Variants in GAS7 observed in about 807,000 individuals in gnomAD.
The protein encoded by GAS7 is growth arrest specific 7, also known as growth arrest-specific protein 7.
GAS7 carries 28 observed loss-of-function variants against 71.1 expected under a neutral mutation model. The observed-to-expected ratio is 0.39, with a 90% CI of 0.29 to 0.54. GAS7 has a LOEUF of 0.54. Ranked by LOEUF, GAS7 falls within the 20% of genes least tolerant of loss-of-function variation. The probability of loss-of-function intolerance (pLI) is 0.62; values close to 1 mark genes in which losing one functional copy is unlikely to be tolerated. For missense variants in GAS7, 436 were observed against 627.8 expected (o/e 0.69, Z 3.27); for synonymous variants, 258 against 245.8 (o/e 1.05, Z -0.46).
At chr17:10,135,202 T>C (rs564532654) in intron 1 of GAS7, among the ~76,000 whole-genome samples, 1 of 152,216 alleles carries the variant, frequency 6.6e-6, no homozygotes, top group South Asian at 2.1e-4. Flanking sequence ...AAGGTGGTAA[T>C]TCTGGGGTCC....
rs573505233 is a variant in GAS7, at chr17:10,021,823, C to T, written c.184-1926G>A. Among the ~76,000 whole-genome samples the T allele has an allele frequency of 7.9e-5, 12 of 152,278 alleles. No homozygotes were observed. The East Asian group carries it at 1.2e-3, about 15-fold the overall frequency. On this transcript the variant is annotated intron_variant, in intron 1 of 13. Coordinates refer to ENST00000432992, the MANE Select transcript of GAS7 (RefSeq NM_201433.2). ...TGCAAGACAAATAGGATTATAACAA[C>T]GTGCATGTGTGCGTGTGTGTGCGTG... is the stretch of plus-strand genomic sequence containing the variant.
intron 1 of GAS7, among the ~76,000 whole-genome samples, chr17:10,168,563 G>T (rs1280479516): frequency 6.6e-6 from 1 of 152,178 alleles, no homozygotes; most frequent in African/African-American, 2.4e-5. Flanking sequence ...GCCACAAACC[G>T]CTGTAGGCCC....
chr17:10,003,777 G>A (rs62065807), intron 2 of GAS7, among the ~76,000 whole-genome samples: 35,922 of 152,054 alleles, frequency 0.24, 6,492 homozygotes, highest in African/African-American at 0.51. Flanking sequence ...CCCCTTCTGC[G>A]CCACTGGGCA....
intron 3 of GAS7, among the ~76,000 whole-genome samples, chr17:9,977,201 G>T (rs2070239763): frequency 6.6e-6 from 1 of 152,150 alleles, no homozygotes; most frequent in African/African-American, 2.4e-5. Flanking sequence ...TTTTAACAAG[G>T]TATTAAATTA....
chr17:10,022,710 G>C (rs190522794), intron 1 of GAS7, among the ~76,000 whole-genome samples: 213 of 152,302 alleles, frequency 1.4e-3, no homozygotes, highest in Non-Finnish European at 2.6e-3. Flanking sequence ...CAATGAATGG[G>C]GTTTTCCACT....
intron 1 of GAS7, among the ~76,000 whole-genome samples, chr17:10,094,527 G>A (rs1170654964): frequency 2.0e-5 from 3 of 151,772 alleles, no homozygotes; most frequent in Non-Finnish European, 4.4e-5. Flanking sequence ...GTAGTGCAGC[G>A]GCGCGATCTC....
At chr17:9,966,289 C>G (rs886810058) in intron 4 of GAS7, among the ~76,000 whole-genome samples, 1 of 148,254 alleles carries the variant, frequency 6.7e-6, no homozygotes, top group African/African-American at 2.6e-5. Context: ...TGAGCCACCA[C>G]GACCGCCCCC....
intron 2 of GAS7, among the ~76,000 whole-genome samples, chr17:10,010,585 T>C (rs1340051107): frequency 6.6e-6 from 1 of 152,256 alleles, no homozygotes; most frequent in Non-Finnish European, 1.5e-5. Flanking sequence ...GGCTATATAC[T>C]GAGAAACCCA....
At chr17:9,955,542 C>T (rs1378462427) in intron 5 of GAS7, among the ~76,000 whole-genome samples, 1 of 152,194 alleles carries the variant, frequency 6.6e-6, no homozygotes, top group Non-Finnish European at 1.5e-5. Context: ...CACAGAGAGG[C>T]TAAGTCACTT....
At chr17:10,164,141 G>A (rs543965228) in intron 1 of GAS7, among the ~76,000 whole-genome samples, 3 of 152,186 alleles carry the variant, frequency 2.0e-5, no homozygotes, top group African/African-American at 7.2e-5. Context: ...TGTGCAGCCA[G>A]GATTAGGAAT....
intron 1 of GAS7, among the ~76,000 whole-genome samples, chr17:10,102,170 G>A (rs1321404709): frequency 8.4e-6 from 1 of 119,364 alleles, no homozygotes; most frequent in Non-Finnish European, 1.7e-5. Context: ...AAAGAAATCT[G>A]ATTGATCTAG....
chr17:10,151,771 C>T (rs1384845091), intron 1 of GAS7, among the ~76,000 whole-genome samples: 2 of 152,136 alleles, frequency 1.3e-5, no homozygotes, highest in African/African-American at 4.8e-5. Flanking sequence ...GTCTTGAACT[C>T]CTGGCTTCAA....
At chr17:9,940,263 C>A in intron 7 of GAS7, 63 bp from the exon 8 acceptor site, 3 of 1,183,118 alleles carry the variant, frequency 2.5e-6, no homozygotes, top group Non-Finnish European at 3.8e-6. Context: ...GTCTGCCCTG[C>A]TGCCCTGCAC....
chr17:10,062,717 T>C (rs897444377), intron 1 of GAS7, among the ~76,000 whole-genome samples: 1 of 152,240 alleles, frequency 6.6e-6, no homozygotes, highest in African/African-American at 2.4e-5. Flanking sequence ...GGTTGCTTTT[T>C]GGTCTCAGAA....
chr17:10,088,333 G>T (rs947062972), intron 1 of GAS7, among the ~76,000 whole-genome samples: 2 of 151,996 alleles, frequency 1.3e-5, no homozygotes, highest in African/African-American at 2.4e-5. Context: ...CAGGCCATGG[G>T]TGACCTTAGG....
chr17:10,032,948 C>T (rs1419647637), intron 1 of GAS7, among the ~76,000 whole-genome samples: 1 of 152,208 alleles, frequency 6.6e-6, no homozygotes. Context: ...CGATAGTGCA[C>T]ATGACCTCAG....
chr17:9,923,071 G>A, intron 11 of GAS7, among the ~76,000 whole-genome samples: 1 of 152,096 alleles, frequency 6.6e-6, no homozygotes, highest in East Asian at 1.9e-4. Flanking sequence ...ACCACACCCA[G>A]CTAAGTTTTG....
At chr17:10,074,446 G>A (rs574696733) in intron 1 of GAS7, among the ~76,000 whole-genome samples, 3 of 152,134 alleles carry the variant, frequency 2.0e-5, no homozygotes, top group African/African-American at 4.8e-5. Context: ...GTTTCACTTC[G>A]ATCTCCTCCC....
chr17:10,031,079 G>A (rs955203187), intron 1 of GAS7, among the ~76,000 whole-genome samples: 1 of 152,220 alleles, frequency 6.6e-6, no homozygotes, highest in Non-Finnish European at 1.5e-5. Flanking sequence ...AGACATTAGG[G>A]CCATGGGAGT....
Sources: gnomAD v4.1 joint callset for allele counts (sites outside exome capture counted in the v4.1 genomes callset) on GRCh38, gnomAD v4.1.1 for gene constraint, MANE v1.5 for transcripts, NCBI Gene and HGNC (gene_info 2026-07-23, HGNC 2026-07-21) for gene names.